Variants in PPFIA1 observed in about 807,000 individuals in gnomAD.
PPFIA1 encodes the protein liprin-alpha-1.
Under a neutral mutation model 149.9 loss-of-function variants are expected in PPFIA1, and 25 were observed. The observed-to-expected ratio is 0.17, with a 90% CI of 0.12 to 0.23. The LOEUF is 0.23. PPFIA1 is among the 10% of genes least tolerant of loss of function. The pLI is 1.00. For missense variants in PPFIA1, 1,362 were observed against 1,506.5 expected (o/e 0.90, Z 1.59); for synonymous variants, 549 against 552.8 (o/e 0.99, Z 0.10).
chr11:70,357,512 T>C (rs1401168602), intron 19 of PPFIA1, among the ~76,000 whole-genome samples: 1 of 152,222 alleles, frequency 6.6e-6, no homozygotes, highest in Non-Finnish European at 1.5e-5. Flanking sequence ...TTTGGTTCCC[T>C]GTAAATGGAA....
intron 16 of PPFIA1, 28 bp from the exon 17 acceptor site, chr11:70,354,273 C>T (rs2056234673): frequency 6.3e-7 from 1 of 1,590,278 alleles, no homozygotes; most frequent in East Asian, 2.3e-5. Flanking sequence ...CTGCTGTTAA[C>T]TAACTTTGCA....
rs145854073 is a variant in PPFIA1, at chr11:70,272,234, G to A, written c.62G>A (p.Gly21Asp). 4 of 1,614,006 alleles carry A rather than the reference G, an allele frequency of 2.5e-6. No individual in the cohort carries two copies. The African/African-American group carries it at 5.3e-5, about 22-fold the overall frequency. The change falls in exon 2 of 28, where the codon GGC becomes GAC. Residue 21 changes from glycine to aspartate, a missense_variant. Transcript: ENST00000253925. ...GAAGGCCCCCCTGGAGGAGGTGGAGGCCATGGTTCCGGCTCCCCTTCACAG... is the reference window on the plus strand; with the variant it reads ...GAAGGCCCCCCTGGAGGAGGTGGAGACCATGGTTCCGGCTCCCCTTCACAG... The part of the protein sequence containing the change: ...EAEGPPGGGG[G>D]HGSGSPSQPD...
At chr11:70,376,477 A>C in intron 24 of PPFIA1, 55 bp from the exon 25 acceptor site, 1 of 1,497,810 alleles carries the variant, frequency 6.7e-7, no homozygotes, top group Non-Finnish European at 9.3e-7. Context: ...CGATGCTAAC[A>C]CCCTTCAAAT....
chr11:70,367,430 T>C, intron 21 of PPFIA1: 1 of 441,174 alleles, frequency 2.3e-6, no homozygotes, highest in Non-Finnish European at 4.6e-6. Flanking sequence ...GGAGCATCTA[T>C]GAGCAGGACA....
chr11:70,301,022 A>G (rs1040398504), intron 2 of PPFIA1, among the ~76,000 whole-genome samples: 3 of 152,150 alleles, frequency 2.0e-5, no homozygotes, highest in Admixed American at 2.0e-4. Context: ...AACTGCTGCA[A>G]TGGCAGTCTG....
chr11:70,324,250 C>T, intron 2 of PPFIA1, 152 bp from the exon 3 acceptor site: 1 of 554,080 alleles, frequency 1.8e-6, no homozygotes, highest in Non-Finnish European at 3.2e-6. Flanking sequence ...CTGTGTGGTC[C>T]ATTGATGCCC....
intron 2 of PPFIA1, among the ~76,000 whole-genome samples, chr11:70,315,668 CTTTTTTTCTGTTT>C: frequency 1.6e-5 from 1 of 64,032 alleles, no homozygotes; most frequent in East Asian, 4.9e-4. Context: ...CTGTGAAGTT[CTTTTTTTCTGTTT>C]TTTTTTTTTT....
intron 2 of PPFIA1, chr11:70,282,246 T>C (rs2050804641): frequency 6.6e-6 from 1 of 152,434 alleles, no homozygotes; most frequent in Non-Finnish European, 1.5e-5. Context: ...CCATGCCCTG[T>C]GTCAGACCGA....
chr11:70,291,862 C>T (rs1249893300), intron 2 of PPFIA1, among the ~76,000 whole-genome samples: 1 of 119,948 alleles, frequency 8.3e-6, no homozygotes, highest in Non-Finnish European at 1.7e-5. Context: ...TTTTTTGAGA[C>T]AGTCTTGCTC....
chr11:70,348,569 A>G lies in PPFIA1; in HGVS notation c.2163+149A>G, dbSNP rs1591302707. ...AAAACTAGTTACTATTTAATCATTC[A>G]GTTATGACAAACTAATTTTAATATC... is the stretch of plus-strand genomic sequence containing the variant. On this transcript the variant is annotated intron_variant, in intron 16 of 27. Transcript: ENST00000253925. The G allele has an allele frequency of 5.5e-6, 4 of 730,382 alleles. 1 individual carries two copies. In the East Asian group the frequency reaches 1.1e-4, roughly 20 times the overall value. 45.2% of individuals were successfully genotyped at this position (730,382 alleles called of 1,614,324 possible).
intron 2 of PPFIA1, among the ~76,000 whole-genome samples, chr11:70,322,461 A>AC (rs2054000365): frequency 6.6e-6 from 1 of 151,850 alleles, no homozygotes; most frequent in African/African-American, 2.4e-5. Flanking sequence ...GCCTCTCCCT[A>AC]CCCTCCTCCC....
At chr11:70,302,968 G>A (rs624765) in intron 2 of PPFIA1, among the ~76,000 whole-genome samples, 31,722 of 151,908 alleles carry the variant, frequency 0.21, 3,526 homozygotes, top group South Asian at 0.26. Context: ...TGATTCCTCT[G>A]AGATACCTGT....
chr11:70,339,021 T>C, intron 13 of PPFIA1, 150 bp from the exon 14 acceptor site: 1 of 877,260 alleles, frequency 1.1e-6, no homozygotes. Flanking sequence ...AGGCAACATG[T>C]AGCTCTTGGG....
intron 19 of PPFIA1, among the ~76,000 whole-genome samples, chr11:70,356,981 G>A (rs557893864): frequency 6.6e-5 from 10 of 152,322 alleles, no homozygotes; most frequent in Non-Finnish European, 1.2e-4. Context: ...TGAGGACGTG[G>A]AGGAATCGGG....
chr11:70,361,667 G>T (rs7126579), intron 19 of PPFIA1, among the ~76,000 whole-genome samples: 21,193 of 151,308 alleles, frequency 0.14, 1,655 homozygotes, highest in African/African-American at 0.19. Context: ...CTAGGCTGGA[G>T]TGCAGTGGCA....
At chr11:70,286,636 G>A (rs958295491) in intron 2 of PPFIA1, among the ~76,000 whole-genome samples, 11 of 152,074 alleles carry the variant, frequency 7.2e-5, no homozygotes, top group Non-Finnish European at 1.3e-4. Flanking sequence ...TTACCCCTGA[G>A]GCCCACTGAC....
intron 26 of PPFIA1, chr11:70,378,414 A>G: frequency 7.8e-7 from 1 of 1,274,814 alleles, no homozygotes; most frequent in Non-Finnish European, 9.9e-7. Context: ...GTCTGGTTGA[A>G]TCTTAGCATA....
chr11:70,318,630 T>G (rs1459466813), intron 2 of PPFIA1, among the ~76,000 whole-genome samples: 1 of 152,226 alleles, frequency 6.6e-6, no homozygotes, highest in African/African-American at 2.4e-5. Context: ...ACTCCCTGCT[T>G]TACTTCCACT....
intron 7 of PPFIA1, chr11:70,327,215 A>G (rs2054352514): frequency 5.6e-6 from 1 of 179,444 alleles, no homozygotes; most frequent in African/African-American, 2.4e-5. Flanking sequence ...ACACATACTT[A>G]GCAAGCAGAT....
Sources: allele counts gnomAD v4.1 joint callset (sites outside exome capture counted in the v4.1 genomes callset), GRCh38; gene constraint gnomAD v4.1.1; transcripts MANE v1.5; gene names NCBI Gene and HGNC (gene_info 2026-07-23, HGNC 2026-07-21).